TET2: variants seen among roughly 807,000 people sequenced by gnomAD.
TET2 encodes tet methylcytosine dioxygenase 2, also known as methylcytosine dioxygenase TET2.
A neutral mutation model predicts 142.9 loss-of-function variants in TET2; 299 were observed. That is an observed-to-expected ratio of 2.09 (90% confidence interval 1.90 to 2.30). The LOEUF (loss-of-function observed/expected upper bound fraction) is 2.30, where lower values mean the gene tolerates loss of function less well. TET2 is among the 30% of genes most tolerant of loss of function. The pLI, the probability that TET2 is intolerant of heterozygous loss-of-function variation, is 0.00. For synonymous variants in TET2, 819 were observed against 849.0 expected (o/e 0.96, Z 0.61); for missense variants, 2,418 against 2,378.0 (o/e 1.02, Z -0.35).
chr4:105,243,060 A>G, intron 5 of TET2, 133 bp downstream of exon 5: 1 of 732,086 alleles, frequency 1.4e-6, no homozygotes, highest in Non-Finnish European at 2.3e-6. Context: ...ATTTTTTATC[A>G]TGTGTTATCT....
chr4:105,238,156 A>T (rs534715936), intron 3 of TET2: 63 of 223,978 alleles, frequency 2.8e-4, no homozygotes, highest in African/African-American at 1.2e-3. Flanking sequence ...TACTTTAAAA[A>T]TAATTTATTG....
intron 2 of TET2, among the ~76,000 whole-genome samples, chr4:105,216,233 CA>C (rs934768657): frequency 2.0e-5 from 3 of 152,018 alleles, no homozygotes; most frequent in African/African-American, 7.2e-5. Flanking sequence ...CTGACTAAAA[CA>C]AAAGGAATGT....
At chr4:105,261,624 C>G in intron 7 of TET2, 135 bp from the exon 8 acceptor site, 2 of 483,660 alleles carry the variant, frequency 4.1e-6, no homozygotes, top group East Asian at 6.7e-5. Context: ...TTTAAAGATG[C>G]TTTATTTAGT....
chr4:105,278,572 T>C lies in TET2; in HGVS notation c.*2053T>C, dbSNP rs968163835. On this transcript the variant is annotated 3_prime_UTR_variant, in exon 11 of 11. Transcript: ENST00000380013. ...TGTTGTAGGTTAATAAATATATTCT[T>C]TGTCAGGGATTTAACCCTTTTATTT... The C allele has an allele frequency of 4.3e-6, 1 of 231,726 alleles. No individual in the cohort carries two copies. The highest frequency in any genetic ancestry group is 2.2e-5 in the African/African-American group (1 of 45,274). 14.4% of individuals were successfully genotyped at this position (231,726 alleles called of 1,614,324 possible). A position where few individuals can be genotyped will look rare whatever the true frequency, so the allele number is the denominator to read the frequency against.
At chr4:105,203,619 G>A (rs1726609839) in intron 2 of TET2, among the ~76,000 whole-genome samples, 1 of 150,290 alleles carries the variant, frequency 6.7e-6, no homozygotes, top group Admixed American at 6.6e-5. Flanking sequence ...ATTACGTTTT[G>A]TATACCAATA....
rs79631475 is a variant in TET2, at chr4:105,274,690, C to T, written c.4538-358C>T. Among the ~76,000 whole-genome samples, 1,397 of 152,094 alleles carry T rather than the reference C, an allele frequency of 9.2e-3. 11 individuals are homozygous for T. The highest frequency in any genetic ancestry group is 0.022 in the African/African-American group (900 of 41,468). The stretch of plus-strand genomic sequence containing the variant: ...AAAGCACTAGAAGATGAGGTCAAAG[C>T]GGTCCCTTGAGGAAGGGATGACTAC... On this transcript the variant is annotated intron_variant, in intron 10 of 10. Coordinates refer to ENST00000380013, the MANE Select transcript of TET2 (RefSeq NM_001127208.3).
intron 1 of TET2, among the ~76,000 whole-genome samples, chr4:105,177,228 T>G (rs1014995571): frequency 2.0e-5 from 3 of 152,200 alleles, no homozygotes; most frequent in Non-Finnish European, 4.4e-5. Context: ...CAGTGGCATT[T>G]TTTAGATACA....
chr4:105,240,625 TA>T lies in TET2; in HGVS notation c.3410-710del. 1.1e-5 allele frequency: 12 copies of T among 1,080,112 alleles called. No individual in the cohort carries two copies. In the South Asian group the frequency reaches 5.0e-4, roughly 45 times the overall value. 66.9% of individuals were successfully genotyped at this position (1,080,112 alleles called of 1,614,324 possible). ...TGGTTATTAAGTTGCCTCACTGGGC[TA>T]AAACACCACACATCTCATAGATAAT... On this transcript the variant is annotated intron_variant, in intron 3 of 10. Transcript: ENST00000380013.
rs1728662208 is a variant in TET2, at chr4:105,233,901, C to T, written c.-42C>T. The T allele has an allele frequency of 1.3e-6, 2 of 1,546,044 alleles. No individual in the cohort carries two copies. Among genetic ancestry groups the T allele is most frequent in the South Asian group, 1.2e-5 (1 of 82,864 alleles). On this transcript the variant is annotated 5_prime_UTR_variant, in exon 3 of 11. Transcript: ENST00000380013. The stretch of plus-strand genomic sequence containing the variant: ...TTTTGTTTCCATGCTCTTTAGAATT[C>T]AACTAGAGGGCAGCCTTGTGGATGG...
Position 105,235,487 on chromosome 4 carries a change from C to CAT in TET2, c.1545_1546insAT (p.Pro516IlefsTer18). On this transcript the variant is annotated frameshift_variant, in exon 3 of 11. Transcript: ENST00000380013. LOFTEE classifies it high-confidence loss of function. ...CAATGTCAGAACACCTCAAGCATAA[C>CAT]CCACCAATTTTTGGTAGCAGTGGAG... 6.2e-7 allele frequency: 1 copy of CAT among 1,614,136 alleles called. No individual in the cohort carries two copies. The highest frequency in any genetic ancestry group is 8.5e-7 in the Non-Finnish European group (1 of 1,180,018).
chr4:105,265,000 CAACTT>C (rs1366562112), intron 8 of TET2, among the ~76,000 whole-genome samples: 2 of 152,192 alleles, frequency 1.3e-5, no homozygotes, highest in East Asian at 3.9e-4. Context: ...TCAGTTTTCT[CAACTT>C]AAATGTCCTT....
intron 2 of TET2, among the ~76,000 whole-genome samples, chr4:105,198,298 T>G (rs1045086485): frequency 1.2e-4 from 18 of 152,262 alleles, no homozygotes; most frequent in Non-Finnish European, 2.4e-4. Flanking sequence ...ATCGTGCCGT[T>G]GCACTCCAGC....
intron 6 of TET2, among the ~76,000 whole-genome samples, chr4:105,251,573 G>T (rs1729871486): frequency 6.6e-6 from 1 of 151,904 alleles, no homozygotes; most frequent in African/African-American, 2.4e-5. Context: ...TATATTTCTG[G>T]AATAAATCCC....
chr4:105,210,667 TCAAGA>T (rs1479494014), intron 2 of TET2, among the ~76,000 whole-genome samples: 1 of 152,182 alleles, frequency 6.6e-6, no homozygotes, highest in East Asian at 1.9e-4. Context: ...ACCTTTTAGC[TCAAGA>T]CAAAACTCTA....
intron 2 of TET2, among the ~76,000 whole-genome samples, chr4:105,196,904 A>G (rs916829784): frequency 6.6e-6 from 1 of 152,136 alleles, no homozygotes; most frequent in African/African-American, 2.4e-5. Context: ...TCTTTTTCAT[A>G]TGTTTTATTT....
intron 1 of TET2, among the ~76,000 whole-genome samples, chr4:105,167,337 A>G (rs1275827797): frequency 2.0e-5 from 3 of 151,952 alleles, no homozygotes. Flanking sequence ...TCTAAAAACA[A>G]TACAACTAAA....
chr4:105,163,511 A>G (rs531764025), intron 1 of TET2, among the ~76,000 whole-genome samples: 13 of 152,174 alleles, frequency 8.5e-5, no homozygotes, highest in Non-Finnish European at 1.8e-4. Flanking sequence ...TATTTCTAAT[A>G]ATAGCTACTA....
intron 1 of TET2, among the ~76,000 whole-genome samples, chr4:105,153,469 G>T (rs150842193): frequency 6.6e-6 from 1 of 152,156 alleles, no homozygotes; most frequent in African/African-American, 2.4e-5. Flanking sequence ...CAGAATGTAA[G>T]TTTTTGTTTT....
chr4:105,196,380 A>G lies in TET2; in HGVS notation c.-47+5875A>G, dbSNP rs540816299. On this transcript the variant is annotated intron_variant, in intron 2 of 10. Transcript: ENST00000380013. The stretch of plus-strand genomic sequence containing the variant: ...TTTGGTTAATGCAAAAATAGATGTG[A>G]TGTAGAATTCTTGGGGACACCTACT... 2.6e-5 allele frequency among the ~76,000 whole-genome samples: 4 copies of G among 152,158 alleles called. No individual in the cohort carries two copies. The South Asian group carries it at 8.4e-4, about 32-fold the overall frequency.
Sources: gnomAD v4.1 joint callset for allele counts (sites outside exome capture counted in the v4.1 genomes callset) on GRCh38, gnomAD v4.1.1 for gene constraint, MANE v1.5 for transcripts, NCBI Gene and HGNC (gene_info 2026-07-23, HGNC 2026-07-21) for gene names.